The following ATP9B variants were observed in gnomAD, a reference collection of about 807,000 sequenced individuals.
ATP9B encodes probable phospholipid-transporting ATPase IIB.
A neutral mutation model predicts 146.1 loss-of-function variants in ATP9B; 110 were observed. That is an observed-to-expected ratio of 0.75 (90% CI 0.65 to 0.88). ATP9B has a LOEUF of 0.88. Ranked by LOEUF, ATP9B falls within the 40% of genes least tolerant of loss-of-function variation. The pLI is 0.00. For synonymous variants in ATP9B, 604 were observed against 569.7 expected, an observed-to-expected ratio of 1.06 and a Z score of -0.86; for missense variants, 1,499 against 1,496.4, an observed-to-expected ratio of 1.00 and a Z score of -0.03.
At chr18:79,226,927 G>A (rs1357640811) in intron 11 of ATP9B, among the ~76,000 whole-genome samples, 38 of 151,840 alleles carry the variant, frequency 2.5e-4, no homozygotes, top group African/African-American at 8.5e-4. Flanking sequence ...TGGGCCCTGT[G>A]TACTAGGCAC....
intron 10 of ATP9B, among the ~76,000 whole-genome samples, chr18:79,207,759 T>C (rs1404116410): frequency 6.6e-6 from 1 of 151,546 alleles, no homozygotes; most frequent in South Asian, 2.1e-4. Context: ...TGCCACTCAC[T>C]CCCCCATGCA....
intron 15 of ATP9B, among the ~76,000 whole-genome samples, chr18:79,327,523 G>GCT (rs1288620995): frequency 6.5e-4 from 76 of 117,756 alleles, no homozygotes; most frequent in Non-Finnish European, 8.4e-4. Flanking sequence ...TGGTTAGCGT[G>GCT]CTCTCCGTGG....
At chr18:79,327,959 T>C (rs375139587) in intron 15 of ATP9B, among the ~76,000 whole-genome samples, 4 of 127,040 alleles carry the variant, frequency 3.1e-5, no homozygotes, top group African/African-American at 6.2e-5. Context: ...GTTAGCGTGC[T>C]CTCCGTGGTT....
At chr18:79,153,957 C>CTTT (rs11285884) in intron 6 of ATP9B, among the ~76,000 whole-genome samples, 6 of 103,236 alleles carry the variant, frequency 5.8e-5, no homozygotes, top group East Asian at 3.1e-4. Flanking sequence ...TGACATGCAG[C>CTTT]TTTTTTTTTT....
chr18:79,355,117 C>T (rs1436923849), intron 25 of ATP9B, among the ~76,000 whole-genome samples: 2 of 152,228 alleles, frequency 1.3e-5, no homozygotes, highest in Non-Finnish European at 2.9e-5. Context: ...GCATGGGGAG[C>T]CTTAACCCCT....
intron 11 of ATP9B, among the ~76,000 whole-genome samples, chr18:79,229,578 C>G (rs569257052): frequency 6.6e-6 from 1 of 152,208 alleles, no homozygotes; most frequent in Non-Finnish European, 1.5e-5. Flanking sequence ...GCGTCTCCCC[C>G]GTCCTTTGGA....
chr18:79,221,362 G>T (rs1348003808), intron 11 of ATP9B, among the ~76,000 whole-genome samples: 1 of 152,174 alleles, frequency 6.6e-6, no homozygotes, highest in African/African-American at 2.4e-5. Context: ...CACAGATTCA[G>T]CTGATAAGGA....
At chr18:79,082,926 A>C (rs2073418736) in intron 1 of ATP9B, among the ~76,000 whole-genome samples, 1 of 152,196 alleles carries the variant, frequency 6.6e-6, no homozygotes, top group Admixed American at 6.5e-5. Context: ...AGCAGAGCTC[A>C]AGCGCTGTGC....
In ATP9B at chr18:79,202,560, A is replaced by AGG. The variant is rs1205388467; in HGVS notation, c.955-4377_955-4376insGG. On this transcript the variant is annotated intron_variant, in intron 9 of 29. Coordinates refer to ENST00000426216, the MANE Select transcript of ATP9B (RefSeq NM_198531.5). ...ATGGTAACATTTTGCATCCTCCCCC[A>AGG]AGCAGATTTTATCTGTTCACACTTA... is the stretch of plus-strand genomic sequence containing the variant. Among the ~76,000 whole-genome samples the AGG allele has an allele frequency of 2.0e-5, 3 of 152,314 alleles. No individual in the cohort carries two copies. In the East Asian group the frequency reaches 5.8e-4, roughly 29 times the overall value.
intron 13 of ATP9B, among the ~76,000 whole-genome samples, chr18:79,284,662 T>C (rs1250164852): frequency 6.6e-6 from 1 of 151,460 alleles, no homozygotes. Flanking sequence ...AGGGTACATG[T>C]GCACAATGTG....
At chr18:79,270,542 C>G (rs989252105) in intron 12 of ATP9B, among the ~76,000 whole-genome samples, 1 of 152,026 alleles carries the variant, frequency 6.6e-6, no homozygotes, top group Non-Finnish European at 1.5e-5. Context: ...TTCATTTATT[C>G]TTTTTTTCTC....
At chr18:79,375,033 C>A (rs983905404) in intron 28 of ATP9B, among the ~76,000 whole-genome samples, 1 of 152,218 alleles carries the variant, frequency 6.6e-6, no homozygotes, top group African/African-American at 2.4e-5. Flanking sequence ...AACACGCTTA[C>A]ATACATGTGA....
intron 9 of ATP9B, among the ~76,000 whole-genome samples, chr18:79,200,483 C>A (rs2095458706): frequency 6.6e-6 from 1 of 152,122 alleles, no homozygotes; most frequent in Non-Finnish European, 1.5e-5. Flanking sequence ...TTGATAGATA[C>A]AGGGACTTAA....
In ATP9B at chr18:79,139,958, T is replaced by TA. The variant is rs201382529; in HGVS notation, c.668-3841dup. Among the ~76,000 whole-genome samples, 737 of 152,354 alleles carry TA rather than the reference T, an allele frequency of 4.8e-3. 4 individuals carry two copies. The highest frequency in any genetic ancestry group is 0.025 in the South Asian group (119 of 4,832). On this transcript the variant is annotated intron_variant, in intron 5 of 29. Transcript: ENST00000426216. Reference sequence around the variant, plus strand: ...ATAAAAGTATATTTCAGTTACCCTTTAAACCTATCGTAGGATCTGAAATTT... The same window carrying TA: ...ATAAAAGTATATTTCAGTTACCCTTTAAAACCTATCGTAGGATCTGAAATTT...
chr18:79,128,641 C>A (rs1375389603), intron 5 of ATP9B, among the ~76,000 whole-genome samples: 2 of 152,062 alleles, frequency 1.3e-5, no homozygotes, highest in African/African-American at 4.8e-5. Context: ...TAATATAGAT[C>A]TATCTGATTT....
chr18:79,346,749 CAT>C (rs2096891074), intron 23 of ATP9B, among the ~76,000 whole-genome samples: 1 of 152,228 alleles, frequency 6.6e-6, no homozygotes, highest in African/African-American at 2.4e-5. Context: ...ACACTCAGCA[CAT>C]ACTCACCGCA....
intron 13 of ATP9B, among the ~76,000 whole-genome samples, chr18:79,302,034 T>G (rs112628219): frequency 1.3e-3 from 200 of 152,244 alleles, no homozygotes; most frequent in Admixed American, 4.7e-3. Flanking sequence ...ATGAAAATAG[T>G]TTGGGTTATA....
chr18:79,343,874 T>A (rs967770472), intron 20 of ATP9B: 1 of 271,858 alleles, frequency 3.7e-6, no homozygotes, highest in Non-Finnish European at 7.0e-6. Flanking sequence ...TACAAGAAAA[T>A]TCTTAATCAT....
At chr18:79,200,735 G>A (rs376025560) in intron 9 of ATP9B, among the ~76,000 whole-genome samples, 2 of 152,256 alleles carry the variant, frequency 1.3e-5, no homozygotes, top group Non-Finnish European at 2.9e-5. Context: ...GGGACTGTCG[G>A]GGTCAGAGCA....
Sources: allele counts gnomAD v4.1 joint callset (sites outside exome capture counted in the v4.1 genomes callset), GRCh38; gene constraint gnomAD v4.1.1; transcripts MANE v1.5; gene names NCBI Gene and HGNC (gene_info 2026-07-23, HGNC 2026-07-21).